Variants in C2orf68 observed in about 807,000 individuals in gnomAD.
C2orf68 encodes UPF0561 protein C2orf68.
C2orf68 carries 15 observed loss-of-function variants against 19.1 expected under a neutral mutation model. That is an observed-to-expected ratio of 0.79 (90% CI 0.53 to 1.21). The LOEUF (loss-of-function observed/expected upper bound fraction) is 1.21. C2orf68 is among the 50% of genes most tolerant of loss of function. The pLI is 0.00. For synonymous variants in C2orf68, 98 were observed against 91.0 expected (o/e 1.08, Z -0.44); for missense variants, 242 against 226.6 (o/e 1.07, Z -0.44).
In C2orf68 at chr2:85,611,802, C is replaced by T. The variant is rs2104168588; in HGVS notation, c.108-16G>A. The T allele has an allele frequency of 6.2e-7, 1 of 1,609,852 alleles. No homozygotes were observed. The highest frequency in any genetic ancestry group is 2.2e-5 in the East Asian group (1 of 44,792). ...ATAGTCGTCCCTGCGGGGAGCCGAG[C>T]GGGAGTCAGGGACTGTCGGGCCGGG... On this transcript the variant is annotated splice_polypyrimidine_tract_variant and intron_variant, in intron 1 of 3. Coordinates refer to ENST00000306336, the MANE Select transcript of C2orf68 (RefSeq NM_001013649.4).
intron 2 of C2orf68, chr2:85,611,019 A>C (rs1673483771): frequency 6.4e-6 from 1 of 157,370 alleles, no homozygotes; most frequent in Non-Finnish European, 1.4e-5. Context: ...TCGGCCTCCC[A>C]AAGTGCTGGG....
Position 85,609,580 on chromosome 2 carries a change from G to A in C2orf68, c.233C>T (p.Ser78Phe), listed in dbSNP as rs767795582. 5.6e-6 allele frequency: 9 copies of A among 1,614,182 alleles called. 2 individuals carry two copies. The South Asian group carries it at 6.6e-5, about 12-fold the overall frequency. Reference sequence around the variant, plus strand: ...ATAGTCTGGGTTGCGTGGGTGGGCAGAGACATCTGGAAGGATGAACCACAG... The same window carrying A: ...ATAGTCTGGGTTGCGTGGGTGGGCAAAGACATCTGGAAGGATGAACCACAG... ...QVYLPRHRDV[S>F]AHPRNPDYEE... The change falls in exon 3 of 4, where the codon TCT becomes TTT. Residue 78 changes from serine (S) to phenylalanine (F), a missense_variant. Transcript: ENST00000306336.
In C2orf68 at chr2:85,605,267, G is replaced by T. The variant is rs144336312; in HGVS notation, c.*3678C>A. Among the ~76,000 whole-genome samples, 2 of 152,012 alleles carry T rather than the reference G, an allele frequency of 1.3e-5. No individual in the cohort carries two copies. The highest frequency in any genetic ancestry group is 4.8e-5 in the African/African-American group (2 of 41,378). Reference sequence around the variant, plus strand: ...TGGCAAAAACAGTGCTGTAAAAATCGTAAGTTTATTTGTTAAAAAAAATAC... The same window carrying T: ...TGGCAAAAACAGTGCTGTAAAAATCTTAAGTTTATTTGTTAAAAAAAATAC... On this transcript the variant is annotated 3_prime_UTR_variant, in exon 4 of 4. Transcript: ENST00000306336.
chr2:85,605,474 A>T lies in C2orf68; in HGVS notation c.*3471T>A, dbSNP rs1573368359. ...AAGCCCTTTACTCAGAAGGTCTTCAATTCTAGCATTACTCCAACTCCTAGG... is the reference window on the plus strand; with the variant it reads ...AAGCCCTTTACTCAGAAGGTCTTCATTTCTAGCATTACTCCAACTCCTAGG... On this transcript the variant is annotated 3_prime_UTR_variant, in exon 4 of 4. Transcript: ENST00000306336. 2.0e-5 allele frequency among the ~76,000 whole-genome samples: 3 copies of T among 152,212 alleles called. No individual in the cohort carries two copies. In the East Asian group the frequency reaches 5.8e-4, roughly 29 times the overall value.
chr2:85,611,383 G>C (rs1673514974), intron 2 of C2orf68: 7 of 1,462,408 alleles, frequency 4.8e-6, no homozygotes, highest in Non-Finnish European at 6.3e-6. Context: ...TTGCTAGGTA[G>C]CGGAGCACCT....
rs765557236 is a variant in C2orf68 at position 85,611,678 on chromosome 2, C to T, written c.216G>A (p.Pro72=). The change falls in exon 2 of 4, where the codon CCG becomes CCA. Residue 72 remains proline, a synonymous_variant. Transcript: ENST00000306336. ...GGCGGGCGGCCTCACCTCGGTGTCG[C>T]GGCAGGTACACCTGCAGGTCTGGCT... The part of the protein sequence containing the change: ...PRKPDLQVYL[P]RHRDVSAHPR... The T allele has an allele frequency of 1.3e-6, 2 of 1,564,690 alleles. No individual in the cohort carries two copies. The highest frequency in any genetic ancestry group is 1.2e-5 in the South Asian group (1 of 85,804).
At position 85,605,821 on chromosome 2, in the gene C2orf68, TCA is replaced by T. The variant is rs1673192698; in HGVS notation, c.*3122_*3123del. ...GCCAATCTCTAGTTGACAGTGCCCC[TCA>T]GAGTGCACCATGGAGATGGAATGTC... On this transcript the variant is annotated 3_prime_UTR_variant, in exon 4 of 4. Transcript: ENST00000306336. Among the ~76,000 whole-genome samples, 1 of 152,188 alleles carries T rather than the reference TCA, an allele frequency of 6.6e-6. No homozygotes were observed. Among genetic ancestry groups the T allele is most frequent in the African/African-American group, 2.4e-5 (1 of 41,438 alleles).
At position 85,608,125 on chromosome 2, in the gene C2orf68, CAAG is replaced by C. The variant is rs1282647292; in HGVS notation, c.*817_*819del. On this transcript the variant is annotated 3_prime_UTR_variant, in exon 4 of 4. Coordinates refer to ENST00000306336, the MANE Select transcript of C2orf68 (RefSeq NM_001013649.4). ...GGACAGTCTGTTCACGGCTAGGAAT[CAAG>C]TTGAAAGTTGGAATTCTGTAGCCCT... 7.2e-5 allele frequency: 11 copies of C among 152,292 alleles called. No individual in the cohort carries two copies. The highest frequency in any genetic ancestry group is 1.3e-4 in the Non-Finnish European group (9 of 68,034). The allele number at this position is 152,292 out of a possible 1,614,324, so 9.4% of individuals were successfully genotyped here.
In C2orf68 at chr2:85,611,990, G is replaced by GC. The variant is rs1270148081; in HGVS notation, c.-7dup. On this transcript the variant is annotated 5_prime_UTR_variant, in exon 1 of 4. Coordinates refer to ENST00000306336, the MANE Select transcript of C2orf68 (RefSeq NM_001013649.4). ...GGATGCGGCCCCGCCTCCATCAGGAGCCGGGGACGCAGAGTCGCCGCCGCC... is the reference window on the plus strand; with the variant it reads ...GGATGCGGCCCCGCCTCCATCAGGAGCCCGGGGACGCAGAGTCGCCGCCGCC... The GC allele has an allele frequency of 3.9e-6, 6 of 1,522,178 alleles. No homozygotes were observed. Among genetic ancestry groups the GC allele is most frequent in the Non-Finnish European group, 4.4e-6 (5 of 1,146,644 alleles). 94.3% of individuals were successfully genotyped at this position (1,522,178 alleles called of 1,614,324 possible). A position where few individuals can be genotyped will look rare whatever the true frequency, so the allele number is the denominator to read the frequency against.
At position 85,606,147 on chromosome 2, in the gene C2orf68, G is replaced by A. The variant is rs975418599; in HGVS notation, c.*2798C>T. Among the ~76,000 whole-genome samples, 2 of 152,190 alleles carry A rather than the reference G, an allele frequency of 1.3e-5. No homozygotes were observed. Among genetic ancestry groups the A allele is most frequent in the African/African-American group, 4.8e-5 (2 of 41,454 alleles). ...AACATTCCATATTGAATGGGCATGA[G>A]ATATGCCTATCAGATTGTGTGTGTG... On this transcript the variant is annotated 3_prime_UTR_variant, in exon 4 of 4. Transcript: ENST00000306336.
At chr2:85,611,410 G>C in intron 2 of C2orf68, 1 of 1,503,556 alleles carries the variant, frequency 6.7e-7, no homozygotes, top group African/African-American at 1.4e-5. Flanking sequence ...AATACAGCAC[G>C]GTGGGGCAAA....
At chr2:85,611,154 G>T in intron 2 of C2orf68, 1 of 716,554 alleles carries the variant, frequency 1.4e-6, no homozygotes, top group Non-Finnish European at 1.8e-6. Context: ...GCTGCAGTAA[G>T]CCCAGATCGC....
rs1483534429 is a variant in C2orf68 at position 85,605,475 on chromosome 2, T to C, written c.*3470A>G. Among the ~76,000 whole-genome samples the C allele has an allele frequency of 6.6e-6, 1 of 152,218 alleles. No individual in the cohort carries two copies. The highest frequency in any genetic ancestry group is 1.5e-5 in the Non-Finnish European group (1 of 68,042). On this transcript the variant is annotated 3_prime_UTR_variant, in exon 4 of 4. Transcript: ENST00000306336. The stretch of plus-strand genomic sequence containing the variant: ...AGCCCTTTACTCAGAAGGTCTTCAA[T>C]TCTAGCATTACTCCAACTCCTAGGG...
chr2:85,608,974 C>T lies in C2orf68; in HGVS notation c.472G>A (p.Glu158Lys), dbSNP rs201140439. The change falls in exon 4 of 4, where the codon GAG becomes AAG. Residue 158 changes from glutamate to lysine, a missense_variant. Glu to Lys is a moderately conservative substitution (Grantham distance 56). Coordinates refer to ENST00000306336, the MANE Select transcript of C2orf68 (RefSeq NM_001013649.4). Reference protein sequence around the residue: ...REALKLRIQEEIAKRQSQH With the variant: ...REALKLRIQEKIAKRQSQH ...TGTTGGCTCTGGCGCTTTGCAATCTCCTCCTGGATACGCAACTTGAGGGCT... is the reference window on the plus strand; with the variant it reads ...TGTTGGCTCTGGCGCTTTGCAATCTTCTCCTGGATACGCAACTTGAGGGCT... 2.3e-5 allele frequency: 37 copies of T among 1,614,136 alleles called. No individual in the cohort carries two copies. Among genetic ancestry groups the T allele is most frequent in the Non-Finnish European group, 2.8e-5 (33 of 1,180,060 alleles).
At chr2:85,610,559 CAG>C (rs1268355493) in intron 2 of C2orf68, 1 of 152,108 alleles carries the variant, frequency 6.6e-6, no homozygotes, top group Non-Finnish European at 1.5e-5. Context: ...GTGAAACAGA[CAG>C]AAGCTTTCTT....
At position 85,608,701 on chromosome 2, in the gene C2orf68, CAAAAAAAAAAAAAAAAA is replaced by C. The variant is rs5832651; in HGVS notation, c.*227_*243del. On this transcript the variant is annotated 3_prime_UTR_variant, in exon 4 of 4. Transcript: ENST00000306336. ...GAACACATTAGCCACACAAAATCCTCAAAAAAAAAAAAAAAAAAAAAAAAAAAAGAATTCCAGAATAT... is the reference window on the plus strand; with the variant it reads ...GAACACATTAGCCACACAAAATCCTCAAAAAAAAAAAGAATTCCAGAATAT... The C allele has an allele frequency of 3.7e-5, 2 of 54,714 alleles. No individual in the cohort carries two copies. The highest frequency in any genetic ancestry group is 3.5e-4 in the Admixed American group (1 of 2,832). The allele number at this position is 54,714 out of a possible 1,614,324, so 3.4% of individuals were successfully genotyped here. A position where few individuals can be genotyped will look rare whatever the true frequency, so the allele number is the denominator to read the frequency against.
rs1387849461 is a variant in C2orf68 at position 85,609,578 on chromosome 2, C to T, written c.235G>A (p.Ala79Thr). The change falls in exon 3 of 4, where the codon GCC becomes ACC. Residue 79 changes from alanine to threonine, a missense_variant. Coordinates refer to ENST00000306336, the MANE Select transcript of C2orf68 (RefSeq NM_001013649.4). ...TCATAGTCTGGGTTGCGTGGGTGGGCAGAGACATCTGGAAGGATGAACCAC... is the reference window on the plus strand; with the variant it reads ...TCATAGTCTGGGTTGCGTGGGTGGGTAGAGACATCTGGAAGGATGAACCAC... ...VYLPRHRDVSAHPRNPDYEES... is the reference protein window; with the variant it reads ...VYLPRHRDVSTHPRNPDYEES... 6.2e-7 allele frequency: 1 copy of T among 1,614,114 alleles called. No individual in the cohort carries two copies. Among genetic ancestry groups the T allele is most frequent in the East Asian group, 2.2e-5 (1 of 44,888 alleles).
At position 85,611,779 on chromosome 2, in the gene C2orf68, A is replaced by AG; in HGVS notation, c.114dup (p.Tyr39LeufsTer2). The AG allele has an allele frequency of 1.9e-6, 3 of 1,611,772 alleles. No homozygotes were observed. The highest frequency in any genetic ancestry group is 2.5e-6 in the Non-Finnish European group (3 of 1,179,510). ...GCCGCCTGCTTCACCTTCTTGTCAT[A>AG]GTCGTCCCTGCGGGGAGCCGAGCGG... On this transcript the variant is annotated frameshift_variant, in exon 2 of 4. Transcript: ENST00000306336. LOFTEE classifies it high-confidence loss of function.
Position 85,608,549 on chromosome 2 carries a change from T to C in C2orf68, c.*396A>G, listed in dbSNP as rs1673301224. ...AATGAGCAAAAGCACAGAAGAAACATAAAATAACAAACGTGGCTCATGGAG... is the reference window on the plus strand; with the variant it reads ...AATGAGCAAAAGCACAGAAGAAACACAAAATAACAAACGTGGCTCATGGAG... On this transcript the variant is annotated 3_prime_UTR_variant, in exon 4 of 4. Coordinates refer to ENST00000306336, the MANE Select transcript of C2orf68 (RefSeq NM_001013649.4). The C allele has an allele frequency of 6.2e-6, 1 of 161,248 alleles. No homozygotes were observed. The highest frequency in any genetic ancestry group is 1.3e-5 in the Non-Finnish European group (1 of 74,612). The allele number at this position is 161,248 out of a possible 1,614,324, so 10.0% of individuals were successfully genotyped here.
Sources: allele counts gnomAD v4.1 joint callset (sites outside exome capture counted in the v4.1 genomes callset), GRCh38; gene constraint gnomAD v4.1.1; transcripts MANE v1.5; gene names NCBI Gene and HGNC (gene_info 2026-07-23, HGNC 2026-07-21).